The following DENND1A variants were observed in gnomAD, a reference collection of about 807,000 sequenced individuals.
The protein encoded by DENND1A is DENN domain-containing protein 1A.
In DENND1A, 51 loss-of-function variants were observed where a neutral mutation model predicts 113.7. The observed-to-expected ratio is 0.45, with a 90% CI of 0.36 to 0.57. The LOEUF is 0.57. DENND1A is among the 20% of genes least tolerant of loss of function. The probability of loss-of-function intolerance (pLI) is 0.00; values close to 1 mark genes in which losing one functional copy is unlikely to be tolerated. For synonymous variants in DENND1A, 565 were observed against 570.8 expected (o/e 0.99, Z 0.14); for missense variants, 1,258 against 1,395.9 (o/e 0.90, Z 1.57).
At chr9:123,748,277 T>C (rs542038402) in intron 5 of DENND1A, among the ~76,000 whole-genome samples, 2 of 152,358 alleles carry the variant, frequency 1.3e-5, no homozygotes, top group African/African-American at 4.8e-5. Flanking sequence ...TTAGTCATTA[T>C]CAGCATGGTG....
intron 2 of DENND1A, among the ~76,000 whole-genome samples, chr9:123,834,536 A>G (rs1840763339): frequency 6.6e-6 from 1 of 152,190 alleles, no homozygotes; most frequent in African/African-American, 2.4e-5. Context: ...TTAAAATTTT[A>G]AGCCTAAGGA....
At chr9:123,848,850 T>A (rs910475580) in intron 2 of DENND1A, among the ~76,000 whole-genome samples, 3 of 152,128 alleles carry the variant, frequency 2.0e-5, no homozygotes, top group Non-Finnish European at 4.4e-5. Flanking sequence ...TCTGGACAGA[T>A]CAAACCAGCC....
At chr9:123,582,803 G>T (rs1166448632) in intron 12 of DENND1A, among the ~76,000 whole-genome samples, 1 of 151,898 alleles carries the variant, frequency 6.6e-6, no homozygotes, top group Non-Finnish European at 1.5e-5. Context: ...GGGTTCAAGT[G>T]ATTCTCCTGC....
chr9:123,878,139 G>A (rs1847783466), intron 2 of DENND1A, among the ~76,000 whole-genome samples: 1 of 151,522 alleles, frequency 6.6e-6, no homozygotes, highest in Non-Finnish European at 1.5e-5. Flanking sequence ...GGAGGCAGAG[G>A]TTGCGGTGAG....
chr9:123,481,918 C>T (rs1588747118), intron 13 of DENND1A, among the ~76,000 whole-genome samples: 1 of 150,358 alleles, frequency 6.7e-6, no homozygotes, highest in African/African-American at 2.5e-5. Flanking sequence ...GCCTCAGCTA[C>T]CTGAGTAGCT....
chr9:123,852,780 C>T (rs1206099019), intron 2 of DENND1A, among the ~76,000 whole-genome samples: 1 of 152,202 alleles, frequency 6.6e-6, no homozygotes, highest in Non-Finnish European at 1.5e-5. Context: ...GAAAACACCA[C>T]CCTATAAACC....
chr9:123,413,373 CAT>C (rs889732401), intron 19 of DENND1A: 29 of 963,944 alleles, frequency 3.0e-5, no homozygotes, highest in African/African-American at 1.1e-4. Flanking sequence ...CAGAATTCCA[CAT>C]GTGACTCCCG....
At chr9:123,676,240 T>C (rs2064069352) in intron 6 of DENND1A, among the ~76,000 whole-genome samples, 1 of 152,182 alleles carries the variant, frequency 6.6e-6, no homozygotes, top group Non-Finnish European at 1.5e-5. Flanking sequence ...CCTACAAAAG[T>C]TACTGTAAAA....
intron 12 of DENND1A, among the ~76,000 whole-genome samples, chr9:123,566,099 T>C (rs2058038388): frequency 6.6e-6 from 1 of 152,192 alleles, no homozygotes; most frequent in East Asian, 1.9e-4. Flanking sequence ...GAAGCCAAAG[T>C]CAAGTCCAAG....
chr9:123,802,499 T>TC (rs61051142), intron 2 of DENND1A, among the ~76,000 whole-genome samples: 1 of 146,546 alleles, frequency 6.8e-6, no homozygotes, highest in Admixed American at 6.8e-5. Flanking sequence ...CTAACACCAC[T>TC]CCCACAACAA....
chr9:123,611,171 TTTCTTC>T (rs377467993), intron 10 of DENND1A, among the ~76,000 whole-genome samples: 3 of 152,108 alleles, frequency 2.0e-5, no homozygotes, highest in African/African-American at 4.8e-5. Flanking sequence ...GGAGTTGTCT[TTTCTTC>T]TTCTTCTTCT....
chr9:123,556,818 G>A (rs995925955), intron 13 of DENND1A, among the ~76,000 whole-genome samples: 1 of 152,248 alleles, frequency 6.6e-6, no homozygotes, highest in South Asian at 2.1e-4. Flanking sequence ...CCAAGAGTAG[G>A]CCGAGGAGAG....
At chr9:123,754,859 G>T (rs1162799128) in intron 5 of DENND1A, among the ~76,000 whole-genome samples, 1 of 152,174 alleles carries the variant, frequency 6.6e-6, no homozygotes, top group Admixed American at 6.5e-5. Flanking sequence ...TCACACATCA[G>T]AATCAGAGAC....
At chr9:123,663,727 AT>A (rs1007705833) in intron 8 of DENND1A, among the ~76,000 whole-genome samples, 1 of 152,118 alleles carries the variant, frequency 6.6e-6, no homozygotes, top group African/African-American at 2.4e-5. Flanking sequence ...TTACAACAAA[AT>A]ATTTGTAAAG....
intron 12 of DENND1A, among the ~76,000 whole-genome samples, chr9:123,567,399 T>TTA (rs1479323584): frequency 6.6e-6 from 1 of 152,182 alleles, no homozygotes; most frequent in African/African-American, 2.4e-5. Context: ...AAAAGGAAAC[T>TTA]TATATGTTTT....
intron 2 of DENND1A, among the ~76,000 whole-genome samples, chr9:123,809,317 T>C (rs1374148581): frequency 6.6e-6 from 1 of 152,226 alleles, no homozygotes; most frequent in East Asian, 1.9e-4. Context: ...TTGGCATGAA[T>C]CTTAAAATGT....
intron 10 of DENND1A, 37 bp from the exon 11 acceptor site, chr9:123,609,518 G>A (rs1322454157): frequency 8.1e-6 from 13 of 1,604,302 alleles, no homozygotes; most frequent in Admixed American, 1.7e-5. Context: ...CTGCTTTAAT[G>A]TCTGTTGCTT....
chr9:123,381,627 T>C lies in DENND1A; in HGVS notation c.3018A>G (p.Gly1006=). The C allele has an allele frequency of 6.2e-7, 1 of 1,611,956 alleles. No homozygotes were observed. The highest frequency in any genetic ancestry group is 1.1e-5 in the South Asian group (1 of 90,992). ...GCCTGGGAGGCAGAAGCGGGGGGTCTCCAGGCCTCAGGGCCAGCCCCTGCT... is the reference window on the plus strand; with the variant it reads ...GCCTGGGAGGCAGAAGCGGGGGGTCCCCAGGCCTCAGGGCCAGCCCCTGCT... ...ETKQGLALRP[G]DPPLLPPRPP... Residue 1006 remains glycine, a synonymous_variant, in exon 24 of 24, where the codon GGA becomes GGG. Coordinates refer to ENST00000394215, the MANE Select transcript of DENND1A (RefSeq NM_001352964.2). This position sits in a 1 kb window ranked among gnomAD's most constrained non-coding sequence, Gnocchi z 4.7.
chr9:123,582,730 C>T (rs1219208836), intron 12 of DENND1A, among the ~76,000 whole-genome samples: 12 of 133,106 alleles, frequency 9.0e-5, no homozygotes, highest in South Asian at 7.4e-4. Flanking sequence ...GATGGAGTCT[C>T]GCTCTGTCAC....
Sources: gnomAD v4.1 joint callset for allele counts (sites outside exome capture counted in the v4.1 genomes callset) on GRCh38, gnomAD v4.1.1 for gene constraint, Gnocchi (gnomAD v3.1) non-coding constraint, MANE v1.5 for transcripts, NCBI Gene and HGNC (gene_info 2026-07-23, HGNC 2026-07-21) for gene names.